Variants in TMEM74 observed in about 807,000 individuals in gnomAD.
TMEM74 encodes transmembrane protein 74.
TMEM74 carries 13 observed loss-of-function variants against 18.1 expected under a neutral mutation model. The ratio of observed to expected loss-of-function variants is 0.72; its 90% CI spans 0.47 to 1.14. TMEM74 has a LOEUF of 1.14. TMEM74 is among the 50% of genes most tolerant of loss of function. The pLI, the probability that TMEM74 is intolerant of heterozygous loss-of-function variation, is 0.00. For missense variants in TMEM74, 372 were observed against 375.9 expected, an observed-to-expected ratio of 0.99 and a Z score of 0.09; for synonymous variants, 159 against 146.6, an observed-to-expected ratio of 1.08 and a Z score of -0.61.
intron 1 of TMEM74, among the ~76,000 whole-genome samples, chr8:108,735,492 T>C (rs943374391): frequency 1.3e-5 from 2 of 152,214 alleles, no homozygotes; most frequent in African/African-American, 4.8e-5. Flanking sequence ...TTCTTTCACT[T>C]AGCGTAATGT....
At chr8:108,689,024 T>C (rs1189600200) in intron 1 of TMEM74, among the ~76,000 whole-genome samples, 1 of 152,222 alleles carries the variant, frequency 6.6e-6, no homozygotes, top group African/African-American at 2.4e-5. Flanking sequence ...ATTAAGCTAC[T>C]AAAGCTCCAA....
chr8:108,645,493 AAAG>A (rs1812708950), intron 2 of TMEM74, among the ~76,000 whole-genome samples: 1 of 152,116 alleles, frequency 6.6e-6, no homozygotes, highest in African/African-American at 2.4e-5. Context: ...GATCTAGCAG[AAAG>A]AAGAAATTTT....
intron 2 of TMEM74, chr8:108,626,624 A>G (rs904993217): frequency 1.3e-5 from 2 of 152,080 alleles, no homozygotes; most frequent in African/African-American, 4.8e-5. Context: ...CTGGAAAATC[A>G]TTGACAATCT....
chr8:108,757,213 T>C (rs1813985573), intron 1 of TMEM74, among the ~76,000 whole-genome samples: 3 of 152,046 alleles, frequency 2.0e-5, no homozygotes, highest in Admixed American at 1.3e-4. Context: ...AGGTATTTCT[T>C]ACTGTTTGCA....
intron 2 of TMEM74, among the ~76,000 whole-genome samples, chr8:108,644,486 C>G (rs1229495368): frequency 6.6e-6 from 1 of 152,058 alleles, no homozygotes; most frequent in African/African-American, 2.4e-5. Flanking sequence ...GCACCGAAAC[C>G]AAAAATTGAC....
intron 1 of TMEM74, among the ~76,000 whole-genome samples, chr8:108,758,108 A>T (rs1376677681): frequency 6.6e-6 from 1 of 152,084 alleles, no homozygotes; most frequent in African/African-American, 2.4e-5. Flanking sequence ...ATAACCTACA[A>T]GTAAATTTAA....
In TMEM74 at chr8:108,736,168, T is replaced by G. The variant is rs372520699; in HGVS notation, n.119+51308A>C. 1.6e-4 allele frequency among the ~76,000 whole-genome samples: 24 copies of G among 152,194 alleles called. No homozygotes were observed. In the East Asian group the frequency reaches 2.7e-3, roughly 17 times the overall value. On this transcript the variant is annotated intron_variant and non_coding_transcript_variant, in intron 1 of 3. Transcript: ENST00000518838. ...CATGAAAAGACCCCTAGCTCACCATTATCTTCACCACCAACCTAGCATCAC... is the reference window on the plus strand; with the variant it reads ...CATGAAAAGACCCCTAGCTCACCATGATCTTCACCACCAACCTAGCATCAC...
At chr8:108,686,360 G>A (rs189353554) in intron 1 of TMEM74, among the ~76,000 whole-genome samples, 199 of 151,248 alleles carry the variant, frequency 1.3e-3, no homozygotes, top group African/African-American at 4.7e-3. Flanking sequence ...CACCGCGCCC[G>A]GCTAATTTTT....
chr8:108,631,570 C>A (rs1422557335), intron 2 of TMEM74, among the ~76,000 whole-genome samples: 1 of 151,960 alleles, frequency 6.6e-6, no homozygotes, highest in Non-Finnish European at 1.5e-5. Context: ...AATTTATCTT[C>A]TTTTCCTTGT....
Position 108,631,250 on chromosome 8 carries a change from G to C in TMEM74, n.265-22424C>G, listed in dbSNP as rs568654135. Among the ~76,000 whole-genome samples, 6 of 152,076 alleles carry C rather than the reference G, an allele frequency of 3.9e-5. No homozygotes were observed. In the South Asian group the frequency reaches 1.2e-3, roughly 32 times the overall value. ...ATCTAACACAGATGCTTAATAAAAAGTGTCCTGAAGTGGTGTTGGTGAGGT... is the reference window on the plus strand; with the variant it reads ...ATCTAACACAGATGCTTAATAAAAACTGTCCTGAAGTGGTGTTGGTGAGGT... On this transcript the variant is annotated intron_variant and non_coding_transcript_variant, in intron 2 of 3. Transcript: ENST00000518838.
chr8:108,649,570 C>T (rs977074886), intron 2 of TMEM74, among the ~76,000 whole-genome samples: 5 of 152,090 alleles, frequency 3.3e-5, no homozygotes, highest in African/African-American at 9.7e-5. Flanking sequence ...CTTATTAGGT[C>T]GGTGCAAAAG....
intron 1 of TMEM74, among the ~76,000 whole-genome samples, chr8:108,664,921 G>T (rs1289566439): frequency 6.6e-6 from 1 of 152,052 alleles, no homozygotes; most frequent in Non-Finnish European, 1.5e-5. Context: ...AAAGGATATA[G>T]ATACCTGACC....
intron 1 of TMEM74, among the ~76,000 whole-genome samples, chr8:108,770,687 A>G (rs1814161728): frequency 6.6e-6 from 1 of 152,188 alleles, no homozygotes; most frequent in South Asian, 2.1e-4. Flanking sequence ...CTCTCTTCTT[A>G]GAAAGTACTT....
chr8:108,783,963 CAGAAGGAT>C lies in TMEM74; in HGVS notation c.*210_*217del, dbSNP rs1814341499. 1 of 403,242 alleles carries C rather than the reference CAGAAGGAT, an allele frequency of 2.5e-6. No individual in the cohort carries two copies. The highest frequency in any genetic ancestry group is 4.0e-5 in the East Asian group (1 of 24,818). The allele number at this position is 403,242 out of a possible 1,614,324, so 25.0% of individuals were successfully genotyped here. Reference sequence around the variant, plus strand: ...ACAGATTAATTAGCCTTCAGCTCTTCAGAAGGATAGGTGTGGCTGGTTGTGGTTTCTTA... The same window carrying C: ...ACAGATTAATTAGCCTTCAGCTCTTCAGGTGTGGCTGGTTGTGGTTTCTTA... On this transcript the variant is annotated 3_prime_UTR_variant, in exon 2 of 2. Transcript: ENST00000297459.
intron 1 of TMEM74, among the ~76,000 whole-genome samples, chr8:108,657,879 T>TATATATAAATTAC (rs1812858166): frequency 1.2e-5 from 1 of 82,756 alleles, no homozygotes; most frequent in Non-Finnish European, 2.3e-5. Context: ...TATATATATA[T>TATATATAAATTAC]ATATATATAT....
intron 2 of TMEM74, among the ~76,000 whole-genome samples, chr8:108,617,510 CCTGT>C (rs1401263998): frequency 1.3e-5 from 2 of 152,096 alleles, no homozygotes; most frequent in African/African-American, 4.8e-5. Context: ...CATTTGTCAG[CCTGT>C]CTAAGATTCC....
intron 1 of TMEM74, among the ~76,000 whole-genome samples, chr8:108,758,652 T>C (rs1814004855): frequency 6.6e-6 from 1 of 152,070 alleles, no homozygotes; most frequent in East Asian, 1.9e-4. Flanking sequence ...AGTGGTATCA[T>C]TTAGCAAACC....
chr8:108,628,846 CTCACTGTGG>C (rs1191459893), intron 2 of TMEM74, among the ~76,000 whole-genome samples: 1 of 152,076 alleles, frequency 6.6e-6, no homozygotes, highest in African/African-American at 2.4e-5. Context: ...GAGATGGTAT[CTCACTGTGG>C]TTTTGATTTG....
chr8:108,623,946 A>G (rs74497527), intron 2 of TMEM74, among the ~76,000 whole-genome samples: 4,177 of 152,180 alleles, frequency 0.027, 199 homozygotes, highest in African/African-American at 0.096. Context: ...GACTTTGAGA[A>G]ACTGTGTCTA....
Sources: gnomAD v4.1 joint callset for allele counts (sites outside exome capture counted in the v4.1 genomes callset) on GRCh38, gnomAD v4.1.1 for gene constraint, MANE v1.5 for transcripts, NCBI Gene and HGNC (gene_info 2026-07-23, HGNC 2026-07-21) for gene names.